The following RTN1 variants were observed in gnomAD, a reference collection of about 807,000 sequenced individuals.
RTN1 encodes reticulon 1.
A neutral mutation model predicts 65.5 loss-of-function variants in RTN1; 25 were observed. The ratio of observed to expected loss-of-function variants is 0.38; its 90% CI spans 0.28 to 0.53. The LOEUF (loss-of-function observed/expected upper bound fraction) is 0.53, where lower values mean the gene tolerates loss of function less well. Among genes scored for constraint, RTN1 ranks in the 20% least tolerant of loss-of-function variants. The pLI is 0.79. For missense variants in RTN1, 983 were observed against 1,025.4 expected, an observed-to-expected ratio of 0.96 and a Z score of 0.57; for synonymous variants, 471 against 447.6, an observed-to-expected ratio of 1.05 and a Z score of -0.66.
chr14:59,686,766 TGGA>T (rs977083599), intron 3 of RTN1, among the ~76,000 whole-genome samples: 7 of 152,154 alleles, frequency 4.6e-5, no homozygotes, highest in Admixed American at 3.9e-4. Flanking sequence ...CTCCAAGCCC[TGGA>T]GGTAACTTGG....
intron 1 of RTN1, among the ~76,000 whole-genome samples, chr14:59,801,621 G>A (rs1414364652): frequency 5.3e-5 from 8 of 152,070 alleles, no homozygotes; most frequent in Admixed American, 5.2e-4. Context: ...CAGTTCTGCA[G>A]GAAGAAGATA....
At chr14:59,707,413 C>A (rs560222191) in intron 3 of RTN1, among the ~76,000 whole-genome samples, 8 of 152,274 alleles carry the variant, frequency 5.3e-5, no homozygotes, top group Middle Eastern at 3.4e-3. Flanking sequence ...ACAGCACTTG[C>A]CAATGCCTGA....
chr14:59,672,734 G>A lies in RTN1; in HGVS notation c.1765+54185C>T, dbSNP rs571735914. Among the ~76,000 whole-genome samples the A allele has an allele frequency of 7.2e-4, 100 of 138,956 alleles. 1 individual carries two copies. The highest frequency in any genetic ancestry group is 2.7e-4 in the Non-Finnish European group (18 of 65,814). The allele number at this position is 138,956 out of a possible 152,430, so 91.2% of individuals were successfully genotyped here. ...CGGCTCACTGCAAGCTCCGCTTCCCGGGTTCACGCCATTCTCCTGCCTCAG... is the reference window on the plus strand; with the variant it reads ...CGGCTCACTGCAAGCTCCGCTTCCCAGGTTCACGCCATTCTCCTGCCTCAG... On this transcript the variant is annotated intron_variant, in intron 3 of 8. Transcript: ENST00000267484.
At chr14:59,792,730 C>A (rs1306939583) in intron 1 of RTN1, among the ~76,000 whole-genome samples, 1 of 152,042 alleles carries the variant, frequency 6.6e-6, no homozygotes, top group Non-Finnish European at 1.5e-5. Flanking sequence ...ACCTCAACAA[C>A]CTCAAAAGCA....
intron 1 of RTN1, among the ~76,000 whole-genome samples, chr14:59,795,086 C>A (rs982422904): frequency 6.6e-6 from 1 of 152,140 alleles, no homozygotes; most frequent in Non-Finnish European, 1.5e-5. Flanking sequence ...CTGCTGAGTT[C>A]TACATGAAAA....
At chr14:59,676,472 T>C (rs1883629809) in intron 3 of RTN1, among the ~76,000 whole-genome samples, 1 of 152,148 alleles carries the variant, frequency 6.6e-6, no homozygotes, top group Non-Finnish European at 1.5e-5. Flanking sequence ...AAGTCAAAAT[T>C]TGAAGCAAAG....
chr14:59,810,579 G>C (rs1886711336), intron 1 of RTN1, among the ~76,000 whole-genome samples: 1 of 152,122 alleles, frequency 6.6e-6, no homozygotes, highest in South Asian at 2.1e-4. Flanking sequence ...AGGAGCTCAT[G>C]GCCTTTTGGG....
At chr14:59,802,684 A>C (rs1272796584) in intron 1 of RTN1, among the ~76,000 whole-genome samples, 1 of 152,236 alleles carries the variant, frequency 6.6e-6, no homozygotes, top group Admixed American at 6.5e-5. Context: ...GCCACAGCAA[A>C]GGAAGCTTCT....
intron 8 of RTN1, among the ~76,000 whole-genome samples, chr14:59,598,020 C>T (rs1299614258): frequency 6.6e-6 from 1 of 151,832 alleles, no homozygotes; most frequent in Admixed American, 6.6e-5. Flanking sequence ...TGAATTTAGG[C>T]AGGGGAGTGA....
chr14:59,614,703 T>C (rs1288964279), intron 3 of RTN1, among the ~76,000 whole-genome samples: 1 of 152,208 alleles, frequency 6.6e-6, no homozygotes, highest in Non-Finnish European at 1.5e-5. Context: ...GAGCAGATTA[T>C]AGATAAGGCC....
At chr14:59,652,171 C>A (rs1883033196) in intron 3 of RTN1, among the ~76,000 whole-genome samples, 1 of 151,932 alleles carries the variant, frequency 6.6e-6, no homozygotes, top group African/African-American at 2.4e-5. Context: ...TTAAAAAGTT[C>A]AAAAAAATAG....
intron 1 of RTN1, among the ~76,000 whole-genome samples, chr14:59,817,227 T>C (rs1886837681): frequency 6.6e-6 from 1 of 152,066 alleles, no homozygotes; most frequent in Non-Finnish European, 1.5e-5. Context: ...TAACTAATAG[T>C]AAGCAAAATG....
intron 3 of RTN1, among the ~76,000 whole-genome samples, chr14:59,686,615 G>T (rs759644741): frequency 1.2e-4 from 19 of 152,188 alleles, no homozygotes; most frequent in Non-Finnish European, 2.2e-4. Flanking sequence ...AGGAAAACGT[G>T]GGCAAACAGC....
rs544163671 is a variant in RTN1 at position 59,774,280 on chromosome 14, A to G, written c.242-27799T>C. Among the ~76,000 whole-genome samples, 1 of 152,318 alleles carries G rather than the reference A, an allele frequency of 6.6e-6. No homozygotes were observed. Among genetic ancestry groups the G allele is most frequent in the South Asian group, 2.1e-4 (1 of 4,832 alleles). ...CATGCTGAGTTTTTGTCCCCAAAAC[A>G]TTCTGCATTCCATTTGTAAGAACAT... On this transcript the variant is annotated intron_variant, in intron 1 of 8. Transcript: ENST00000267484. The surrounding 1 kb of genome is among the most constrained non-coding windows in gnomAD (Gnocchi z 5.1).
At chr14:59,749,340 ATATATATC>A (rs1885336350) in intron 1 of RTN1, among the ~76,000 whole-genome samples, 1 of 52,566 alleles carries the variant, frequency 1.9e-5, no homozygotes, top group African/African-American at 1.4e-4. Context: ...ATATATATCT[ATATATATC>A]TATATATATC....
chr14:59,693,291 T>C (rs769239778), intron 3 of RTN1, among the ~76,000 whole-genome samples: 1 of 152,254 alleles, frequency 6.6e-6, no homozygotes, highest in Admixed American at 6.5e-5. Flanking sequence ...TTTGCTATAA[T>C]ATAAGCAGAC....
intron 2 of RTN1, among the ~76,000 whole-genome samples, chr14:59,739,250 G>A (rs1344639909): frequency 2.0e-5 from 3 of 152,184 alleles, no homozygotes; most frequent in African/African-American, 7.2e-5. Context: ...GCCAGGTGCA[G>A]TGGCTCATGC....
intron 1 of RTN1, among the ~76,000 whole-genome samples, chr14:59,776,689 A>C (rs1886057652): frequency 6.6e-6 from 1 of 151,856 alleles, no homozygotes; most frequent in African/African-American, 2.4e-5. Flanking sequence ...CCTTCCCCTT[A>C]CCCTCTCTGA....
At chr14:59,614,856 A>G (rs957808808) in intron 3 of RTN1, among the ~76,000 whole-genome samples, 27 of 152,338 alleles carry the variant, frequency 1.8e-4, no homozygotes, top group African/African-American at 5.8e-4. Flanking sequence ...AAAAGTTTCT[A>G]ACAGTTAACA....
Sources: gnomAD v4.1 joint callset for allele counts (sites outside exome capture counted in the v4.1 genomes callset) on GRCh38, gnomAD v4.1.1 for gene constraint, Gnocchi (gnomAD v3.1) non-coding constraint, MANE v1.5 for transcripts, NCBI Gene and HGNC (gene_info 2026-07-23, HGNC 2026-07-21) for gene names.